SYNPR: variants seen among roughly 807,000 people sequenced by gnomAD.
SYNPR encodes the protein synaptoporin.
In SYNPR, 23 loss-of-function variants were observed where a neutral mutation model predicts 32.9. That is an observed-to-expected ratio of 0.70 (90% CI 0.50 to 0.99). The LOEUF (loss-of-function observed/expected upper bound fraction) is 0.99, where lower values mean the gene tolerates loss of function less well. Ranked by LOEUF, SYNPR falls within the 50% of genes least tolerant of loss-of-function variation. The pLI is 0.00. For missense variants in SYNPR, 318 were observed against 349.3 expected (o/e 0.91, Z 0.71); for synonymous variants, 146 against 135.9 (o/e 1.07, Z -0.52).
At chr3:63,260,936 A>C (rs1189917871) in intron 2 of SYNPR, among the ~76,000 whole-genome samples, 3 of 152,224 alleles carry the variant, frequency 2.0e-5, no homozygotes, top group Non-Finnish European at 2.9e-5. Context: ...AAAAGAAGAC[A>C]TTTATGCAGC....
chr3:63,548,751 TAC>T (rs1270259332), intron 3 of SYNPR, among the ~76,000 whole-genome samples: 1 of 152,134 alleles, frequency 6.6e-6, no homozygotes, highest in East Asian at 1.9e-4. Context: ...GAATTCCAGC[TAC>T]CAGAAATTCA....
intron 2 of SYNPR, among the ~76,000 whole-genome samples, chr3:63,318,827 A>G (rs2087073812): frequency 1.3e-5 from 2 of 151,914 alleles, no homozygotes; most frequent in South Asian, 4.1e-4. Context: ...GGGGTGTTGA[A>G]GAGGCTTGTT....
chr3:63,275,846 A>G (rs769367392), upstream of SYNPR, among the ~76,000 whole-genome samples: 3 of 152,190 alleles, frequency 2.0e-5, no homozygotes, highest in Non-Finnish European at 4.4e-5. Context: ...GAGATGTCAT[A>G]CCCTGTAAGC....
chr3:63,325,508 C>T (rs1317263279), intron 2 of SYNPR, among the ~76,000 whole-genome samples: 1 of 152,056 alleles, frequency 6.6e-6, no homozygotes, highest in Non-Finnish European at 1.5e-5. Context: ...AGGAAAGATC[C>T]TAAGCCCAGG....
intron 3 of SYNPR, among the ~76,000 whole-genome samples, chr3:63,526,256 G>A (rs557910036): frequency 1.3e-5 from 2 of 152,296 alleles, no homozygotes; most frequent in African/African-American, 2.4e-5. Flanking sequence ...CTTCACTAGC[G>A]AACGCATTAT....
intron 2 of SYNPR, among the ~76,000 whole-genome samples, chr3:63,258,619 G>C (rs1256443288): frequency 6.6e-6 from 1 of 152,048 alleles, no homozygotes; most frequent in Non-Finnish European, 1.5e-5. Flanking sequence ...AGAGAAAGCA[G>C]GAAAGATCTA....
intron 3 of SYNPR, among the ~76,000 whole-genome samples, chr3:63,518,218 G>T (rs1701835964): frequency 6.6e-6 from 1 of 152,122 alleles, no homozygotes; most frequent in Admixed American, 6.6e-5. Context: ...GAGGGGGAGG[G>T]GGGCTAAATG....
chr3:63,269,149 T>C (rs567763572), intron 3 of SYNPR, among the ~76,000 whole-genome samples: 1 of 152,274 alleles, frequency 6.6e-6, no homozygotes, highest in South Asian at 2.1e-4. Context: ...GAAAGGTGGG[T>C]GTGGGAGTTC....
chr3:63,443,420 A>G, intron 2 of SYNPR: 2 of 1,603,266 alleles, frequency 1.2e-6, no homozygotes, highest in Non-Finnish European at 1.7e-6. Context: ...CAGGAGAGGG[A>G]AGTTGGATTA....
At chr3:63,548,370 T>C (rs1344985235) in intron 3 of SYNPR, among the ~76,000 whole-genome samples, 4 of 151,664 alleles carry the variant, frequency 2.6e-5, no homozygotes, top group East Asian at 3.9e-4. Context: ...CTGCATAATG[T>C]TGGGGGGCTA....
rs147591163 is a variant in SYNPR, at chr3:63,432,575, A to T, written c.85-48257A>T. On this transcript the variant is annotated intron_variant, in intron 2 of 5. Transcript: ENST00000478300. ...CTGGTGCATACATTTCAACATTGTC[A>T]TTGCTCTTATTGTTTTTAGATTAGC... Among the ~76,000 whole-genome samples the T allele has an allele frequency of 6.5e-3, 989 of 152,264 alleles. 10 individuals carry two copies. Among genetic ancestry groups the T allele is most frequent in the African/African-American group, 0.022 (921 of 41,550 alleles).
At chr3:63,604,940 G>C (rs1474709351) in intron 4 of SYNPR, among the ~76,000 whole-genome samples, 1 of 152,076 alleles carries the variant, frequency 6.6e-6, no homozygotes, top group African/African-American at 2.4e-5. Flanking sequence ...ATTGCCACTT[G>C]ATATATTCTT....
In SYNPR at chr3:63,531,124, T is replaced by A. The variant is rs1317641844; in HGVS notation, c.210-25419T>A. On this transcript the variant is annotated intron_variant, in intron 3 of 5. Coordinates refer to ENST00000478300, the MANE Select transcript of SYNPR (RefSeq NM_001130003.2). ...TGAAGAGGAGGAGGCAGGCACATAG[T>A]GGACCGCGATGCTGGAAGACTGTCA... is the stretch of plus-strand genomic sequence containing the variant. Among the ~76,000 whole-genome samples the A allele has an allele frequency of 2.0e-5, 3 of 152,152 alleles. No individual in the cohort carries two copies. The East Asian group carries it at 5.8e-4, about 29-fold the overall frequency.
At chr3:63,353,340 C>T (rs1448403761) in intron 2 of SYNPR, among the ~76,000 whole-genome samples, 1 of 152,176 alleles carries the variant, frequency 6.6e-6, no homozygotes, top group African/African-American at 2.4e-5. Flanking sequence ...GGATGGATCT[C>T]CCTTATTTAT....
At chr3:63,582,513 G>A (rs1177190264) in intron 4 of SYNPR, among the ~76,000 whole-genome samples, 3 of 152,010 alleles carry the variant, frequency 2.0e-5, no homozygotes, top group Non-Finnish European at 2.9e-5. Flanking sequence ...GATAATGTTG[G>A]TCTTGATCCG....
At chr3:63,484,834 G>A (rs1187290077) in intron 3 of SYNPR, among the ~76,000 whole-genome samples, 2 of 152,162 alleles carry the variant, frequency 1.3e-5, no homozygotes, top group African/African-American at 2.4e-5. Flanking sequence ...ACTGTTTGGA[G>A]CATGGTGAAT....
chr3:63,203,875 T>C, the SYNPR span, among the ~76,000 whole-genome samples: 3 of 152,118 alleles, frequency 2.0e-5, no homozygotes, highest in Non-Finnish European at 4.4e-5. Context: ...GGTGGATGCC[T>C]GTAATCCCAG....
intron 2 of SYNPR, among the ~76,000 whole-genome samples, chr3:63,354,305 G>A (rs538677318): frequency 4.6e-4 from 70 of 152,118 alleles, no homozygotes; most frequent in Non-Finnish European, 9.3e-4. Context: ...GCAGGGTAAG[G>A]GTTTGCTTTC....
At chr3:63,282,702 A>AG (rs1227136207) in intron 2 of SYNPR, among the ~76,000 whole-genome samples, 6 of 149,086 alleles carry the variant, frequency 4.0e-5, no homozygotes, top group Non-Finnish European at 7.4e-5. Context: ...AAAAAAAAAA[A>AG]GAATGAATTC....
Sources: gnomAD v4.1 joint callset for allele counts (sites outside exome capture counted in the v4.1 genomes callset) on GRCh38, gnomAD v4.1.1 for gene constraint, MANE v1.5 for transcripts, NCBI Gene and HGNC (gene_info 2026-07-23, HGNC 2026-07-21) for gene names.